TMEM178B: variants seen among roughly 807,000 people sequenced by gnomAD.
TMEM178B encodes transmembrane protein 178B.
In TMEM178B, 5 loss-of-function variants were observed where a neutral mutation model predicts 31.0. The ratio of observed to expected loss-of-function variants is 0.16; its 90% CI spans 0.08 to 0.34. TMEM178B has a LOEUF of 0.34. Ranked by LOEUF, TMEM178B falls within the 10% of genes least tolerant of loss-of-function variation. TMEM178B has a pLI of 1.00. For missense variants in TMEM178B, 275 were observed against 400.3 expected, an observed-to-expected ratio of 0.69 and a Z score of 2.67; for synonymous variants, 164 against 164.0, an observed-to-expected ratio of 1.00 and a Z score of 0.00.
At chr7:141,084,634 G>A (rs1794747613) in intron 1 of TMEM178B, among the ~76,000 whole-genome samples, 1 of 152,082 alleles carries the variant, frequency 6.6e-6, no homozygotes, top group Admixed American at 6.5e-5. Flanking sequence ...GGATTGATAA[G>A]GTGGAATCTC....
intron 3 of TMEM178B, among the ~76,000 whole-genome samples, chr7:141,464,953 G>C (rs953303183): frequency 6.6e-6 from 1 of 152,184 alleles, no homozygotes; most frequent in African/African-American, 2.4e-5. Flanking sequence ...GTTACACCAC[G>C]ACTACAGTTA....
intron 2 of TMEM178B, among the ~76,000 whole-genome samples, chr7:141,233,668 T>C (rs1293337103): frequency 2.0e-5 from 3 of 152,142 alleles, no homozygotes; most frequent in African/African-American, 2.4e-5. Context: ...GGTGTTTATA[T>C]AGAGCCCTGA....
rs1799581143 is a variant in TMEM178B, at chr7:141,344,590, T to TCCTTCCTTCCTTCCTTCCTC, written c.497-92999_497-92998insCCCTTCCTTCCTTCCTTCCT. 7.9e-6 allele frequency among the ~76,000 whole-genome samples: 1 copy of TCCTTCCTTCCTTCCTTCCTC among 127,364 alleles called. No homozygotes were observed. The highest frequency in any genetic ancestry group is 3.2e-5 in the African/African-American group (1 of 31,580). The allele number at this position is 127,364 out of a possible 152,430, so 83.6% of individuals were successfully genotyped here. On this transcript the variant is annotated intron_variant, in intron 2 of 3. Coordinates refer to ENST00000565468, the MANE Select transcript of TMEM178B (RefSeq NM_001195278.2). The surrounding 1 kb of genome is among the most constrained non-coding windows in gnomAD (Gnocchi z 4.1). Reference sequence around the variant, plus strand: ...CTCCCTCCTCCCTTCCTTCCTTCCTTCCTTCCTTCCTTCCTTCCTTCCTTC... The same window carrying TCCTTCCTTCCTTCCTTCCTC: ...CTCCCTCCTCCCTTCCTTCCTTCCTTCCTTCCTTCCTTCCTTCCTCCCTTCCTTCCTTCCTTCCTTCCTTC...
chr7:141,467,447 C>T (rs1802164900), intron 3 of TMEM178B, among the ~76,000 whole-genome samples: 1 of 152,184 alleles, frequency 6.6e-6, no homozygotes, highest in Non-Finnish European at 1.5e-5. Flanking sequence ...AGGTCACCTT[C>T]CGTTGTTTCT....
chr7:141,188,004 T>C (rs558292790), intron 1 of TMEM178B, among the ~76,000 whole-genome samples: 77 of 152,312 alleles, frequency 5.1e-4, no homozygotes, highest in African/African-American at 1.8e-3. Context: ...GTTTTAGACA[T>C]GAAGTCCTTG....
At chr7:141,326,783 ATTCTAGAC>A (rs1799197492) in intron 2 of TMEM178B, among the ~76,000 whole-genome samples, 1 of 152,174 alleles carries the variant, frequency 6.6e-6, no homozygotes, top group Admixed American at 6.5e-5. Flanking sequence ...GCTGATCCCC[ATTCTAGAC>A]TTGTGCTGTC....
At chr7:141,260,746 A>C (rs1798000478) in intron 2 of TMEM178B, among the ~76,000 whole-genome samples, 1 of 152,238 alleles carries the variant, frequency 6.6e-6, no homozygotes, top group Non-Finnish European at 1.5e-5. Context: ...TTATTTTCAA[A>C]TTAATAAATC....
At position 141,344,213 on chromosome 7, in the gene TMEM178B, C is replaced by G. The variant is rs1293210485; in HGVS notation, c.497-93395C>G. On this transcript the variant is annotated intron_variant, in intron 2 of 3. Coordinates refer to ENST00000565468, the MANE Select transcript of TMEM178B (RefSeq NM_001195278.2). The surrounding 1 kb of genome is among the most constrained non-coding windows in gnomAD (Gnocchi z 4.1). The stretch of plus-strand genomic sequence containing the variant: ...AGCAGCAGCAGTTAACATGGATTAT[C>G]TCATTTAATATTCTATGCTATAAGG... Among the ~76,000 whole-genome samples the G allele has an allele frequency of 1.3e-5, 2 of 152,176 alleles. No individual in the cohort carries two copies. Among genetic ancestry groups the G allele is most frequent in the Non-Finnish European group, 2.9e-5 (2 of 68,040 alleles).
intron 1 of TMEM178B, among the ~76,000 whole-genome samples, chr7:141,108,597 G>A (rs768455273): frequency 2.0e-5 from 3 of 152,246 alleles, no homozygotes; most frequent in South Asian, 2.1e-4. Context: ...ATGGAGGGGC[G>A]AAGAGGAAGG....
intron 2 of TMEM178B, among the ~76,000 whole-genome samples, chr7:141,263,513 TG>T (rs1192007286): frequency 1.3e-5 from 2 of 151,908 alleles, no homozygotes; most frequent in African/African-American, 2.4e-5. Flanking sequence ...GAGGACAGAG[TG>T]AAGGCTGGGG....
In TMEM178B at chr7:141,344,578, T is replaced by C. The variant is rs748225354; in HGVS notation, c.497-93030T>C. Among the ~76,000 whole-genome samples, 15 of 18,614 alleles carry C rather than the reference T, an allele frequency of 8.1e-4. No individual in the cohort carries two copies. In the East Asian group the frequency reaches 8.4e-3, roughly 10 times the overall value. 12.2% of individuals were successfully genotyped at this position (18,614 alleles called of 152,430 possible). A position where few individuals can be genotyped will look rare whatever the true frequency, so the allele number is the denominator to read the frequency against. On this transcript the variant is annotated intron_variant, in intron 2 of 3. Coordinates refer to ENST00000565468, the MANE Select transcript of TMEM178B (RefSeq NM_001195278.2). The surrounding 1 kb of genome is among the most constrained non-coding windows in gnomAD (Gnocchi z 4.1). ...CTCCCTCCATTCCTCCCTCCTCCCT[T>C]CCTTCCTTCCTTCCTTCCTTCCTTC... is the stretch of plus-strand genomic sequence containing the variant.
At chr7:141,137,304 A>G (rs1795690793) in intron 1 of TMEM178B, among the ~76,000 whole-genome samples, 1 of 152,224 alleles carries the variant, frequency 6.6e-6, no homozygotes, top group African/African-American at 2.4e-5. Flanking sequence ...AAGATACGGA[A>G]TCAACTGAAG....
chr7:141,139,813 T>G (rs1229554048), intron 1 of TMEM178B, among the ~76,000 whole-genome samples: 2 of 152,012 alleles, frequency 1.3e-5, no homozygotes, highest in Non-Finnish European at 2.9e-5. Flanking sequence ...TTGTCTAGGT[T>G]GGAGTGCAGT....
intron 3 of TMEM178B, among the ~76,000 whole-genome samples, chr7:141,470,249 T>C (rs111747212): frequency 0.02 from 3,018 of 152,190 alleles, 106 homozygotes; most frequent in African/African-American, 0.064. Context: ...AAAATGCTCA[T>C]GAGATATCTA....
rs114851528 is a variant in TMEM178B at position 141,225,455 on chromosome 7, C to T, written c.496+12751C>T. Among the ~76,000 whole-genome samples, 630 of 152,078 alleles carry T rather than the reference C, an allele frequency of 4.1e-3. 4 individuals carry two copies. The highest frequency in any genetic ancestry group is 0.015 in the African/African-American group (613 of 41,436). On this transcript the variant is annotated intron_variant, in intron 2 of 3. Transcript: ENST00000565468. ...TTTTTTTTTCTATTCCTTTTCATTG[C>T]AAATGTATAGTACTTCATTGACATT...
At chr7:141,246,514 G>T (rs1386587077) in intron 2 of TMEM178B, among the ~76,000 whole-genome samples, 2 of 152,214 alleles carry the variant, frequency 1.3e-5, no homozygotes, top group Non-Finnish European at 2.9e-5. Context: ...GGCTAAATAT[G>T]TAAGACACTT....
At chr7:141,234,585 A>G (rs1341295388) in intron 2 of TMEM178B, among the ~76,000 whole-genome samples, 1 of 152,208 alleles carries the variant, frequency 6.6e-6, no homozygotes. Flanking sequence ...CAGCTTTTCC[A>G]GCAGGATTAG....
chr7:141,167,282 A>G (rs1796276846), intron 1 of TMEM178B, among the ~76,000 whole-genome samples: 1 of 152,206 alleles, frequency 6.6e-6, no homozygotes, highest in Non-Finnish European at 1.5e-5. Flanking sequence ...CTCTTCGCCC[A>G]TGCGTCTGTT....
intron 2 of TMEM178B, among the ~76,000 whole-genome samples, chr7:141,321,886 G>C (rs1302497047): frequency 6.6e-6 from 1 of 151,770 alleles, no homozygotes; most frequent in East Asian, 1.9e-4. Flanking sequence ...GATGCTACAG[G>C]ACCCAGGAGG....
Sources: allele counts gnomAD v4.1 joint callset (sites outside exome capture counted in the v4.1 genomes callset), GRCh38; gene constraint gnomAD v4.1.1; non-coding constraint Gnocchi (gnomAD v3.1); transcripts MANE v1.5; gene names NCBI Gene and HGNC (gene_info 2026-07-23, HGNC 2026-07-21).